PPP1R7: variants seen among roughly 807,000 people sequenced by gnomAD.
PPP1R7 encodes protein phosphatase 1 regulatory subunit 7.
Under a neutral mutation model 45.2 loss-of-function variants are expected in PPP1R7, and 18 were observed. The ratio of observed to expected loss-of-function variants is 0.40; its 90% CI spans 0.28 to 0.59. The LOEUF is 0.59. Ranked by LOEUF, PPP1R7 falls within the 20% of genes least tolerant of loss-of-function variation. PPP1R7 has a pLI of 0.46. For synonymous variants in PPP1R7, 181 were observed against 183.4 expected, an observed-to-expected ratio of 0.99 and a Z score of 0.11; for missense variants, 314 against 455.8, an observed-to-expected ratio of 0.69 and a Z score of 2.83.
Position 241,183,319 on chromosome 2 carries a change from T to C in PPP1R7, c.*496T>C. 1 of 431,746 alleles carries C rather than the reference T, an allele frequency of 2.3e-6. No homozygotes were observed. Among genetic ancestry groups the C allele is most frequent in the Admixed American group, 3.1e-5 (1 of 32,092 alleles). The allele number at this position is 431,746 out of a possible 1,614,324, so 26.7% of individuals were successfully genotyped here. On this transcript the variant is annotated 3_prime_UTR_variant, in exon 10 of 10. Coordinates refer to ENST00000234038, the MANE Select transcript of PPP1R7 (RefSeq NM_002712.3). ...CAGCCATTTTCAATTTTTTAAAAAT[T>C]AGGTAAGTTAAAAAAGCTGGGTAAA...
intron 9 of PPP1R7, among the ~76,000 whole-genome samples, chr2:241,176,673 C>G (rs1022690236): frequency 2.6e-5 from 4 of 152,072 alleles, no homozygotes; most frequent in Non-Finnish European, 4.4e-5. Context: ...GTTGGCCAGG[C>G]TGGTCTTGAA....
At chr2:241,158,237 A>G (rs570815119) in intron 3 of PPP1R7, among the ~76,000 whole-genome samples, 91 of 152,310 alleles carry the variant, frequency 6.0e-4, no homozygotes, top group African/African-American at 2.1e-3. Flanking sequence ...TTTTGTGCAT[A>G]CAGGATCTAA....
At chr2:241,153,638 GGT>G (rs781584490) in intron 2 of PPP1R7, 34 bp downstream of exon 2, 66 of 1,609,238 alleles carry the variant, frequency 4.1e-5, no homozygotes, top group Non-Finnish European at 5.4e-5. Context: ...GACATCTGCT[GGT>G]TGGGGGATGT....
intron 6 of PPP1R7, among the ~76,000 whole-genome samples, 156 bp from the exon 7 acceptor site, chr2:241,163,129 C>T (rs1575392838): frequency 6.6e-6 from 1 of 152,136 alleles, no homozygotes; most frequent in Non-Finnish European, 1.5e-5. Context: ...ATTCTACCTT[C>T]AAGTAGGATT....
intron 1 of PPP1R7, among the ~76,000 whole-genome samples, chr2:241,151,205 C>T (rs2067291107): frequency 6.6e-6 from 1 of 152,316 alleles, no homozygotes; most frequent in South Asian, 2.1e-4. Flanking sequence ...TATACGTGCA[C>T]GTACAGTATG....
chr2:241,170,387 G>C (rs1431707986), intron 9 of PPP1R7, among the ~76,000 whole-genome samples: 1 of 152,226 alleles, frequency 6.6e-6, no homozygotes, highest in African/African-American at 2.4e-5. Flanking sequence ...CAGGAGTAGT[G>C]TTGTGGAGTC....
chr2:241,183,428 C>T lies in PPP1R7; in HGVS notation c.*605C>T. On this transcript the variant is annotated 3_prime_UTR_variant, in exon 10 of 10. Coordinates refer to ENST00000234038, the MANE Select transcript of PPP1R7 (RefSeq NM_002712.3). Reference sequence around the variant, plus strand: ...CAGGGCTGACTGTTTTCACGTGTGCCCGTCAGTTCTCGCCACATCCCTTGC... The same window carrying T: ...CAGGGCTGACTGTTTTCACGTGTGCTCGTCAGTTCTCGCCACATCCCTTGC... 1 of 471,196 alleles carries T rather than the reference C, an allele frequency of 2.1e-6. No individual in the cohort carries two copies. Among genetic ancestry groups the T allele is most frequent in the South Asian group, 1.5e-5 (1 of 64,576 alleles). The allele number at this position is 471,196 out of a possible 1,614,324, so 29.2% of individuals were successfully genotyped here.
chr2:241,180,374 G>A (rs1212178592), intron 9 of PPP1R7, among the ~76,000 whole-genome samples: 2 of 117,150 alleles, frequency 1.7e-5, no homozygotes, highest in Non-Finnish European at 3.3e-5. Flanking sequence ...ATACTCTAAC[G>A]ATCGCTGGTG....
chr2:241,155,050 G>A (rs1486566521), intron 2 of PPP1R7: 1 of 152,196 alleles, frequency 6.6e-6, no homozygotes. Context: ...AAGTGATGTG[G>A]GTGGAATAAA....
chr2:241,150,290 G>C, upstream of PPP1R7: 2 of 1,313,988 alleles, frequency 1.5e-6, no homozygotes, highest in Non-Finnish European at 1.9e-6. Flanking sequence ...CGGCTCCGCC[G>C]CCTGAAATTA....
chr2:241,156,250 C>CA (rs1559417648), intron 2 of PPP1R7, among the ~76,000 whole-genome samples: 1 of 152,220 alleles, frequency 6.6e-6, no homozygotes, highest in Non-Finnish European at 1.5e-5. Flanking sequence ...GTGACAATGA[C>CA]AATCTGTTTA....
chr2:241,150,042 G>T, upstream of PPP1R7: 2 of 1,370,440 alleles, frequency 1.5e-6, no homozygotes, highest in Non-Finnish European at 1.9e-6. Flanking sequence ...AGCGAGGCTC[G>T]CAGAGGTCAG....
At chr2:241,174,511 C>T (rs2067875181) in intron 9 of PPP1R7, among the ~76,000 whole-genome samples, 1 of 152,030 alleles carries the variant, frequency 6.6e-6, no homozygotes, top group South Asian at 2.1e-4. Context: ...TGTGTGGCCA[C>T]CAGGCTCTGC....
rs1304469094 is a variant in PPP1R7, at chr2:241,151,505, G to A, written c.52+958G>A. On this transcript the variant is annotated intron_variant, in intron 1 of 9. Coordinates refer to ENST00000234038, the MANE Select transcript of PPP1R7 (RefSeq NM_002712.3). ...GGCAACGAGGTTGGGGATAGGGTGA[G>A]GGAAAAGAGCAAGAATCACTCAAGA... 1.1e-5 allele frequency: 5 copies of A among 471,102 alleles called. No individual in the cohort carries two copies. The Admixed American group carries it at 1.2e-4, about 11-fold the overall frequency. The allele number at this position is 471,102 out of a possible 1,614,324, so 29.2% of individuals were successfully genotyped here. A position where few individuals can be genotyped will look rare whatever the true frequency, so the allele number is the denominator to read the frequency against.
upstream of PPP1R7, chr2:241,149,653 G>T: frequency 6.5e-7 from 1 of 1,542,092 alleles, no homozygotes; most frequent in South Asian, 1.2e-5. Flanking sequence ...AATAATGGGC[G>T]CCTCCGCCCC....
rs2068031441 is a variant in PPP1R7, at chr2:241,182,991, A to G, written c.*168A>G. Reference sequence around the variant, plus strand: ...GCGCGCGACGTCACACACCATTTTCAGATGCCGTTGCAATTAAATCTTGCC... The same window carrying G: ...GCGCGCGACGTCACACACCATTTTCGGATGCCGTTGCAATTAAATCTTGCC... On this transcript the variant is annotated 3_prime_UTR_variant, in exon 10 of 10. Coordinates refer to ENST00000234038, the MANE Select transcript of PPP1R7 (RefSeq NM_002712.3). 1.5e-6 allele frequency: 1 copy of G among 688,436 alleles called. No individual in the cohort carries two copies. The highest frequency in any genetic ancestry group is 2.4e-6 in the Non-Finnish European group (1 of 418,484). 42.6% of individuals were successfully genotyped at this position (688,436 alleles called of 1,614,324 possible).
intron 8 of PPP1R7, among the ~76,000 whole-genome samples, chr2:241,167,798 TC>T (rs1230557273): frequency 6.6e-6 from 1 of 152,282 alleles, no homozygotes; most frequent in African/African-American, 2.4e-5. Context: ...ATTGTAATCT[TC>T]ATCATGATCA....
chr2:241,169,267 T>C (rs915438418), intron 8 of PPP1R7, among the ~76,000 whole-genome samples: 21 of 152,070 alleles, frequency 1.4e-4, no homozygotes, highest in African/African-American at 5.1e-4. Context: ...GAGTCCTGCC[T>C]CTCCCACTGC....
chr2:241,158,356 C>T, intron 3 of PPP1R7, 128 bp from the exon 4 acceptor site: 1 of 787,742 alleles, frequency 1.3e-6, no homozygotes, highest in Non-Finnish European at 2.2e-6. Flanking sequence ...TCACTGACAT[C>T]TGTCTGCTGC....
Sources: allele counts gnomAD v4.1 joint callset (sites outside exome capture counted in the v4.1 genomes callset), GRCh38; gene constraint gnomAD v4.1.1; transcripts MANE v1.5; gene names NCBI Gene and HGNC (gene_info 2026-07-23, HGNC 2026-07-21).